Variants in TMEM236 observed in about 807,000 individuals in gnomAD.
TMEM236 encodes family with sequence similarity 23, member A.
A neutral mutation model predicts 14.7 loss-of-function variants in TMEM236; 11 were observed. The observed-to-expected ratio is 0.75, with a 90% CI of 0.47 to 1.24. The LOEUF is 1.24. Among genes scored for constraint, TMEM236 ranks in the 50% most tolerant of loss-of-function variants. The pLI is 0.00. For missense variants in TMEM236, 464 were observed against 427.3 expected, an observed-to-expected ratio of 1.09 and a Z score of -0.76; for synonymous variants, 182 against 168.6, an observed-to-expected ratio of 1.08 and a Z score of -0.62.
intron 1 of TMEM236, among the ~76,000 whole-genome samples, chr10:17,764,151 G>A (rs1236856328): frequency 6.6e-6 from 1 of 152,172 alleles, no homozygotes; most frequent in Non-Finnish European, 1.5e-5. Flanking sequence ...TCTGAGCAGA[G>A]TGTCATCTCC....
At chr10:17,775,257 T>C (rs1435652301) in intron 2 of TMEM236, among the ~76,000 whole-genome samples, 1 of 152,092 alleles carries the variant, frequency 6.6e-6, no homozygotes, top group Non-Finnish European at 1.5e-5. Context: ...CCATAGTTTT[T>C]TGTTATTGTG....
chr10:17,796,967 G>T lies in TMEM236; in HGVS notation c.*463G>T, dbSNP rs568528187. Reference sequence around the variant, plus strand: ...TGCGTATGCAAGGGATCTAGCTTTCGCTCTTTAAGAAAATCTAATACCTGA... The same window carrying T: ...TGCGTATGCAAGGGATCTAGCTTTCTCTCTTTAAGAAAATCTAATACCTGA... On this transcript the variant is annotated 3_prime_UTR_variant, in exon 4 of 4. Coordinates refer to ENST00000377495, the MANE Select transcript of TMEM236 (RefSeq NM_001098844.3). The T allele has an allele frequency of 1.2e-5, 2 of 171,008 alleles. No individual in the cohort carries two copies. Among genetic ancestry groups the T allele is most frequent in the Non-Finnish European group, 2.5e-5 (2 of 78,556 alleles). 10.6% of individuals were successfully genotyped at this position (171,008 alleles called of 1,614,324 possible).
rs1181956480 is a variant in TMEM236 at position 17,775,894 on chromosome 10, G to C, written c.331-135G>C. ...AACCTTGTGGCATTTAAAACCTGATGAGTTAAAAACCAACCTTCTAGTTTT... is the reference window on the plus strand; with the variant it reads ...AACCTTGTGGCATTTAAAACCTGATCAGTTAAAAACCAACCTTCTAGTTTT... On this transcript the variant is annotated intron_variant, in intron 2 of 3. Coordinates refer to ENST00000377495, the MANE Select transcript of TMEM236 (RefSeq NM_001098844.3). The C allele has an allele frequency of 9.6e-5, 104 of 1,081,572 alleles. No homozygotes were observed. The East Asian group carries it at 2.5e-3, about 26-fold the overall frequency. 67.0% of individuals were successfully genotyped at this position (1,081,572 alleles called of 1,614,324 possible).
Position 17,798,850 on chromosome 10 carries a change from C to G in TMEM236, c.*2346C>G, listed in dbSNP as rs1838055167. ...GCAAACCATAATAACTTGATAAATG[C>G]TAAGCATTGGAACGGGTACCAAGTC... On this transcript the variant is annotated 3_prime_UTR_variant, in exon 4 of 4. Coordinates refer to ENST00000377495, the MANE Select transcript of TMEM236 (RefSeq NM_001098844.3). The G allele has an allele frequency of 2.7e-6, 1 of 374,184 alleles. No individual in the cohort carries two copies. The highest frequency in any genetic ancestry group is 5.3e-6 in the Non-Finnish European group (1 of 188,100). The allele number at this position is 374,184 out of a possible 1,614,324, so 23.2% of individuals were successfully genotyped here.
intron 1 of TMEM236, among the ~76,000 whole-genome samples, chr10:17,759,249 C>T (rs1837323093): frequency 6.6e-6 from 1 of 152,144 alleles, no homozygotes; most frequent in African/African-American, 2.4e-5. Context: ...TGTGTGATAA[C>T]ATTGAGCTAC....
At chr10:17,794,646 C>G (rs1280618899) in intron 3 of TMEM236, among the ~76,000 whole-genome samples, 3 of 152,124 alleles carry the variant, frequency 2.0e-5, no homozygotes, top group Non-Finnish European at 2.9e-5. Flanking sequence ...TTAGGTTAAC[C>G]AATCCTAACG....
intron 3 of TMEM236, among the ~76,000 whole-genome samples, chr10:17,778,111 AC>A (rs1837688931): frequency 6.6e-6 from 1 of 152,128 alleles, no homozygotes; most frequent in African/African-American, 2.4e-5. Context: ...TTGAAATAAG[AC>A]ATCTAAAGAA....
intron 3 of TMEM236, among the ~76,000 whole-genome samples, chr10:17,777,484 G>A (rs1416248052): frequency 6.6e-6 from 1 of 151,914 alleles, no homozygotes; most frequent in African/African-American, 2.4e-5. Flanking sequence ...ATTTGAGCTG[G>A]GGTCTTGCTA....
rs1268726719 is a variant in TMEM236 at position 17,774,775 on chromosome 10, C to G, written c.331-1254C>G. ...ATAGTATCATTTTTCCTTCCTTCCT[C>G]CCTCCCTCCTTCCCTACCTCCTTTC... On this transcript the variant is annotated intron_variant, in intron 2 of 3. Coordinates refer to ENST00000377495, the MANE Select transcript of TMEM236 (RefSeq NM_001098844.3). Among the ~76,000 whole-genome samples, 12 of 150,806 alleles carry G rather than the reference C, an allele frequency of 8.0e-5. No individual in the cohort carries two copies. The East Asian group carries it at 2.0e-3, about 25-fold the overall frequency.
chr10:17,797,601 CT>C lies in TMEM236; in HGVS notation c.*1102del, dbSNP rs1201777816. ...AGCCACCACGCCCGGCTGGATTATA[CT>C]TTTTAAAAATTTGAAAATTGTAGTT... On this transcript the variant is annotated 3_prime_UTR_variant, in exon 4 of 4. Coordinates refer to ENST00000377495, the MANE Select transcript of TMEM236 (RefSeq NM_001098844.3). 5 of 152,112 alleles carry C rather than the reference CT, an allele frequency of 3.3e-5. No homozygotes were observed. The highest frequency in any genetic ancestry group is 7.4e-5 in the Non-Finnish European group (5 of 68,008). 9.4% of individuals were successfully genotyped at this position (152,112 alleles called of 1,614,324 possible). A position where few individuals can be genotyped will look rare whatever the true frequency, so the allele number is the denominator to read the frequency against.
intron 1 of TMEM236, among the ~76,000 whole-genome samples, chr10:17,759,612 T>C (rs1482881676): frequency 1.3e-5 from 2 of 152,190 alleles, no homozygotes; most frequent in South Asian, 2.1e-4. Context: ...GCAAGTACTA[T>C]GTACCAGGCA....
chr10:17,779,088 A>G (rs1003658643), intron 3 of TMEM236, among the ~76,000 whole-genome samples: 1 of 152,212 alleles, frequency 6.6e-6, no homozygotes, highest in Non-Finnish European at 1.5e-5. Flanking sequence ...TGCAGAAATA[A>G]CAAGAATACA....
intron 3 of TMEM236, among the ~76,000 whole-genome samples, chr10:17,783,739 C>T (rs1345159641): frequency 6.6e-6 from 1 of 152,210 alleles, no homozygotes. Context: ...TTCTCCTTAA[C>T]CTTACAACCT....
intron 1 of TMEM236, among the ~76,000 whole-genome samples, chr10:17,754,633 G>T (rs781912090): frequency 6.6e-6 from 1 of 152,194 alleles, no homozygotes; most frequent in Middle Eastern, 3.4e-3. Context: ...GGCCTACTTA[G>T]ACTTTAAAAA....
chr10:17,790,054 A>C (rs1837901542), intron 3 of TMEM236, among the ~76,000 whole-genome samples: 1 of 151,632 alleles, frequency 6.6e-6, no homozygotes. Context: ...CAAAAAAACA[A>C]AAAACGAACA....
chr10:17,780,846 G>A (rs1000707025), intron 3 of TMEM236, among the ~76,000 whole-genome samples: 1 of 152,324 alleles, frequency 6.6e-6, no homozygotes, highest in South Asian at 2.1e-4. Flanking sequence ...TCCTAAATGG[G>A]AATTCCAGCC....
At chr10:17,767,184 C>T (rs1002213468) in intron 1 of TMEM236, among the ~76,000 whole-genome samples, 1 of 152,118 alleles carries the variant, frequency 6.6e-6, no homozygotes, top group East Asian at 1.9e-4. Flanking sequence ...CATATCCAGC[C>T]GGGCATGGTG....
At chr10:17,786,565 T>C (rs1365827368) in intron 3 of TMEM236, among the ~76,000 whole-genome samples, 1 of 152,236 alleles carries the variant, frequency 6.6e-6, no homozygotes, top group Admixed American at 6.5e-5. Context: ...TGTATACTAA[T>C]AGTAAGGTCC....
At chr10:17,783,645 G>A (rs1469689196) in intron 3 of TMEM236, among the ~76,000 whole-genome samples, 1 of 152,162 alleles carries the variant, frequency 6.6e-6, no homozygotes, top group African/African-American at 2.4e-5. Context: ...GTCCGTGCAA[G>A]CTTTTAAGGT....
Sources: gnomAD v4.1 joint callset for allele counts (sites outside exome capture counted in the v4.1 genomes callset) on GRCh38, gnomAD v4.1.1 for gene constraint, MANE v1.5 for transcripts, NCBI Gene and HGNC (gene_info 2026-07-23, HGNC 2026-07-21) for gene names.